PDE12: variants seen among roughly 807,000 people sequenced by gnomAD.
The protein encoded by PDE12 is 2',5'-phosphodiesterase 12.
Under a neutral mutation model 45.4 loss-of-function variants are expected in PDE12, and 26 were observed. That is an observed-to-expected ratio of 0.57 (90% CI 0.42 to 0.79). The LOEUF is 0.79. PDE12 is among the 30% of genes least tolerant of loss of function. The pLI is 0.00. For missense variants in PDE12, 668 were observed against 790.0 expected (o/e 0.85, Z 1.85); for synonymous variants, 283 against 323.9 (o/e 0.87, Z 1.36).
the PDE12 span, chr3:57,628,734 T>C: frequency 2.1e-6 from 3 of 1,440,652 alleles, no homozygotes; most frequent in East Asian, 4.6e-5. Flanking sequence ...CGAACTATCA[T>C]GGGTTGTCAG....
chr3:57,590,346 C>T, the PDE12 span, among the ~76,000 whole-genome samples: 11 of 151,330 alleles, frequency 7.3e-5, no homozygotes, highest in African/African-American at 2.4e-4. Context: ...ATTAGCCGGG[C>T]GCAGTGGCGG....
chr3:57,567,161 A>C (rs1447414394), downstream of PDE12, among the ~76,000 whole-genome samples: 1 of 151,976 alleles, frequency 6.6e-6, no homozygotes, highest in African/African-American at 2.4e-5. Flanking sequence ...AATACAAAAA[A>C]ATTAGCTGGC....
rs746552434 is a variant in PDE12, at chr3:57,556,741, C to T, written c.362C>T (p.Pro121Leu). 3.1e-6 allele frequency: 5 copies of T among 1,598,058 alleles called. No homozygotes were observed. Among genetic ancestry groups the T allele is most frequent in the East Asian group, 4.5e-5 (2 of 44,538 alleles). ...PGPEPAVFCE[P>L]VVKLYYREEA... ...CCTGAGCCGGCTGTGTTCTGCGAGC[C>T]CGTGGTGAAGCTGTACTACCGGGAA... is the stretch of plus-strand genomic sequence containing the variant. Residue 121 changes from proline (P) to leucine (L), a missense_variant, in exon 1 of 3, where the codon CCC becomes CTC. Physicochemically the swap from Pro to Leu is moderately conservative, Grantham distance 98 (BLOSUM62 -3). Transcript: ENST00000311180. This position sits in a 1 kb window ranked among gnomAD's most constrained non-coding sequence, Gnocchi z 5.0.
the PDE12 span, among the ~76,000 whole-genome samples, chr3:57,601,269 C>T: frequency 1.3e-5 from 2 of 152,024 alleles, no homozygotes. Context: ...GCCACTGCGC[C>T]CGGCTAATTT....
rs1419071958 is a variant in PDE12 at position 57,556,452 on chromosome 3, G to A, written c.73G>A (p.Glu25Lys). The A allele has an allele frequency of 6.2e-7, 1 of 1,612,946 alleles. No homozygotes were observed. The highest frequency in any genetic ancestry group is 8.5e-7 in the Non-Finnish European group (1 of 1,179,776). Residue 25 changes from glutamate to lysine, a missense_variant, in exon 1 of 3, where the codon GAA becomes AAA. Around this residue, in one of 3 missense-constraint regions of PDE12, gnomAD observed 580 missense variants for 662.9 expected, o/e 0.87. Coordinates refer to ENST00000311180, the MANE Select transcript of PDE12 (RefSeq NM_177966.7). This position sits in a 1 kb window ranked among gnomAD's most constrained non-coding sequence, Gnocchi z 5.0. Reference protein sequence around the residue: ...RTAVEKLSRAEAGSQTAAGAM... With the variant: ...RTAVEKLSRAKAGSQTAAGAM... ...GGCGGTGGAGAAGCTGAGCCGGGCT[G>A]AAGCGGGGAGCCAGACAGCGGCGGG... is the stretch of plus-strand genomic sequence containing the variant.
chr3:57,577,453 G>A, the PDE12 span: 21 of 1,276,174 alleles, frequency 1.6e-5, no homozygotes, highest in Non-Finnish European at 2.3e-5. Flanking sequence ...AACAGTGTAG[G>A]CAGCAAAATG....
At chr3:57,619,649 T>TG in the PDE12 span, 1 of 152,070 alleles carries the variant, frequency 6.6e-6, no homozygotes, top group Non-Finnish European at 1.5e-5. Flanking sequence ...GGTCAGGAGA[T>TG]GGAGACCATC....
chr3:57,652,091 C>A, the PDE12 span, among the ~76,000 whole-genome samples: 3 of 152,058 alleles, frequency 2.0e-5, no homozygotes, highest in Admixed American at 6.6e-5. Context: ...TCCACAAATT[C>A]TTTGACAGTC....
chr3:57,564,477 C>T lies in PDE12; in HGVS notation c.*4473C>T, dbSNP rs539394826. 1 of 151,952 alleles carries T rather than the reference C, an allele frequency of 6.6e-6. No homozygotes were observed. The highest frequency in any genetic ancestry group is 2.1e-4 in the South Asian group (1 of 4,812). 9.4% of individuals were successfully genotyped at this position (151,952 alleles called of 1,614,324 possible). On this transcript the variant is annotated 3_prime_UTR_variant, in exon 3 of 3. Coordinates refer to ENST00000311180, the MANE Select transcript of PDE12 (RefSeq NM_177966.7). ...ATTTATATAACACAGTCCATTTTGC[C>T]CAGTAATTCACTTTAATGATGTTAT... is the stretch of plus-strand genomic sequence containing the variant.
the PDE12 span, chr3:57,631,156 T>A: frequency 3.4e-6 from 2 of 584,292 alleles, no homozygotes; most frequent in Non-Finnish European, 6.0e-6. Context: ...AAGTCAGATT[T>A]CAAATAAAAA....
chr3:57,622,544 C>A, the PDE12 span, among the ~76,000 whole-genome samples: 1 of 152,138 alleles, frequency 6.6e-6, no homozygotes, highest in African/African-American at 2.4e-5. Context: ...CATTCACCCA[C>A]CATATGACCC....
At chr3:57,591,820 C>A in the PDE12 span, among the ~76,000 whole-genome samples, 1 of 152,076 alleles carries the variant, frequency 6.6e-6, no homozygotes, top group African/African-American at 2.4e-5. Flanking sequence ...GACAAAGAGG[C>A]CATAAATCAT....
the PDE12 span, among the ~76,000 whole-genome samples, chr3:57,632,260 G>A: frequency 4.0e-5 from 6 of 151,380 alleles, no homozygotes; most frequent in African/African-American, 7.3e-5. Flanking sequence ...TCCTGACCTC[G>A]TGATCTGCCC....
In PDE12 at chr3:57,559,434, T is replaced by C. The variant is rs369733353; in HGVS notation, c.1387+46T>C. 8.4e-6 allele frequency: 13 copies of C among 1,544,708 alleles called. No individual in the cohort carries two copies. In the African/African-American group the frequency reaches 2.3e-4, roughly 28 times the overall value. ...CAAGTGACTTAAACACGCTTAAAGT[T>C]GTTTAAAGTGTTTTACACAAATGCA... On this transcript the variant is annotated intron_variant, in intron 2 of 2. Coordinates refer to ENST00000311180, the MANE Select transcript of PDE12 (RefSeq NM_177966.7).
At chr3:57,613,762 A>C in the PDE12 span, among the ~76,000 whole-genome samples, 1 of 151,602 alleles carries the variant, frequency 6.6e-6, no homozygotes, top group Admixed American at 6.6e-5. Flanking sequence ...TTAGCCGGGC[A>C]TGGTGGCAGG....
the PDE12 span, among the ~76,000 whole-genome samples, chr3:57,580,791 A>T: frequency 0.13 from 19,928 of 147,856 alleles, 1,412 homozygotes; most frequent in South Asian, 0.21. Flanking sequence ...TTTTTTTTTA[A>T]ATGTAAAGAC....
the PDE12 span, among the ~76,000 whole-genome samples, chr3:57,613,772 G>A: frequency 2.7e-4 from 41 of 151,556 alleles, no homozygotes; most frequent in Admixed American, 2.6e-3. Context: ...ATGGTGGCAG[G>A]CACCTGTAGT....
chr3:57,615,914 T>C, the PDE12 span, among the ~76,000 whole-genome samples: 10 of 152,182 alleles, frequency 6.6e-5, no homozygotes, highest in Non-Finnish European at 1.0e-4. Context: ...AGAGGTTACA[T>C]CACTACAGGG....
chr3:57,608,817 TAGAC>T, the PDE12 span, among the ~76,000 whole-genome samples: 1 of 152,208 alleles, frequency 6.6e-6, no homozygotes, highest in African/African-American at 2.4e-5. Flanking sequence ...CTGTCAACAT[TAGAC>T]AGATCAATGA....
Sources: gnomAD v4.1 joint callset for allele counts (sites outside exome capture counted in the v4.1 genomes callset) on GRCh38, gnomAD v4.1.1 for gene constraint, gnomAD v4.1.1 regional missense constraint, Gnocchi (gnomAD v3.1) non-coding constraint, MANE v1.5 for transcripts, NCBI Gene and HGNC (gene_info 2026-07-23, HGNC 2026-07-21) for gene names.